TYW5: variants seen among roughly 807,000 people sequenced by gnomAD.
The protein encoded by TYW5 is tRNA-yW synthesizing protein 5, also known as tRNA wybutosine-synthesizing protein 5.
Under a neutral mutation model 44.4 loss-of-function variants are expected in TYW5, and 36 were observed. That is an observed-to-expected ratio of 0.81 (90% CI 0.62 to 1.07). The LOEUF (loss-of-function observed/expected upper bound fraction) is 1.07. TYW5 is among the 50% of genes least tolerant of loss of function. TYW5 has a pLI of 0.00. For synonymous variants in TYW5, 121 were observed against 128.1 expected (o/e 0.94, Z 0.37); for missense variants, 354 against 365.7 (o/e 0.97, Z 0.26).
chr2:199,950,010 C>T (rs1352827479), intron 1 of TYW5, among the ~76,000 whole-genome samples: 1 of 152,042 alleles, frequency 6.6e-6, no homozygotes, highest in Admixed American at 6.5e-5. Flanking sequence ...AAGAACCCGA[C>T]GTCTTTTATA....
rs924140051 is a variant in TYW5, at chr2:199,943,481, T to A, written c.303+284A>T. On this transcript the variant is annotated intron_variant, in intron 3 of 7. Coordinates refer to ENST00000354611, the MANE Select transcript of TYW5 (RefSeq NM_001039693.3). ...TCTATACATCAGGCACACTGCTAAG[T>A]ATTTTACTATTTTATTTAGTTAATC... The A allele has an allele frequency of 1.1e-5, 3 of 270,982 alleles. No homozygotes were observed. In the Admixed American group the frequency reaches 1.5e-4, roughly 14 times the overall value. The allele number at this position is 270,982 out of a possible 1,614,324, so 16.8% of individuals were successfully genotyped here. A position where few individuals can be genotyped will look rare whatever the true frequency, so the allele number is the denominator to read the frequency against.
At position 199,944,881 on chromosome 2, in the gene TYW5, C is replaced by CA. The variant is rs2077492169; in HGVS notation, c.234-1048dup. 4 of 152,242 alleles carry CA rather than the reference C, an allele frequency of 2.6e-5. No homozygotes were observed. The South Asian group carries it at 8.3e-4, about 32-fold the overall frequency. 9.4% of individuals were successfully genotyped at this position (152,242 alleles called of 1,614,324 possible). ...TTCCCAGAAATATACTGGGTAAACA[C>CA]AAACATGGTGTGAACCCATGAATTA... On this transcript the variant is annotated intron_variant, in intron 2 of 7. Coordinates refer to ENST00000354611, the MANE Select transcript of TYW5 (RefSeq NM_001039693.3).
rs1244304657 is a variant in TYW5, at chr2:199,930,489, G to A, written c.*2578C>T. 6.6e-6 allele frequency: 1 copy of A among 152,124 alleles called. No homozygotes were observed. Among genetic ancestry groups the A allele is most frequent in the Non-Finnish European group, 1.5e-5 (1 of 68,046 alleles). 9.4% of individuals were successfully genotyped at this position (152,124 alleles called of 1,614,324 possible). ...GTAACATTTAATTTTTCTATTTTTA[G>A]TAGAGACGGGGTTTTACCATGTTGG... On this transcript the variant is annotated 3_prime_UTR_variant, in exon 8 of 8. Coordinates refer to ENST00000354611, the MANE Select transcript of TYW5 (RefSeq NM_001039693.3).
intron 1 of TYW5, among the ~76,000 whole-genome samples, chr2:199,952,173 T>A (rs2077550806): frequency 6.6e-6 from 1 of 152,214 alleles, no homozygotes; most frequent in Admixed American, 6.5e-5. Context: ...TTATTTCCAA[T>A]AATTTGCAAG....
At chr2:199,953,579 A>C (rs1201111143) in intron 1 of TYW5, among the ~76,000 whole-genome samples, 1 of 152,180 alleles carries the variant, frequency 6.6e-6, no homozygotes, top group African/African-American at 2.4e-5. Context: ...CTAAATTTCC[A>C]TAGGAATAGG....
chr2:199,939,551 T>C (rs2077448656), intron 4 of TYW5, among the ~76,000 whole-genome samples: 1 of 152,212 alleles, frequency 6.6e-6, no homozygotes, highest in Non-Finnish European at 1.5e-5. Context: ...TCCACTCTAA[T>C]ATTCAGGAGT....
At chr2:199,940,056 T>A (rs770200700) in intron 4 of TYW5, 33 bp downstream of exon 4, 31 of 1,598,710 alleles carry the variant, frequency 1.9e-5, no homozygotes, top group Non-Finnish European at 2.7e-5. Context: ...CCATTTAGAT[T>A]TTAGGGAATT....
intron 3 of TYW5, 120 bp from the exon 4 acceptor site, chr2:199,940,253 T>C: frequency 1.2e-6 from 1 of 822,090 alleles, no homozygotes; most frequent in South Asian, 2.1e-5. Context: ...AAGAATTATG[T>C]ACTGAGAACT....
At position 199,933,238 on chromosome 2, in the gene TYW5, A is replaced by G. The variant is rs1574792098; in HGVS notation, c.777T>C (p.Asp259=). The change falls in exon 8 of 8, where the codon GAT becomes GAC. Residue 259 remains aspartate, a synonymous_variant. Transcript: ENST00000354611. ...FWKHLPSECY[D]KTDTYGNKDP... Reference sequence around the variant, plus strand: ...CTTTGTTTCCATAGGTATCTGTTTTATCATAGCATTCAGATGGAAGGTGCT... The same window carrying G: ...CTTTGTTTCCATAGGTATCTGTTTTGTCATAGCATTCAGATGGAAGGTGCT... The G allele has an allele frequency of 6.2e-7, 1 of 1,614,102 alleles. No individual in the cohort carries two copies.
intron 1 of TYW5, among the ~76,000 whole-genome samples, chr2:199,955,153 C>G (rs2077585617): frequency 6.6e-6 from 1 of 152,210 alleles, no homozygotes; most frequent in South Asian, 2.1e-4. Flanking sequence ...TCGCACTCAG[C>G]TCTCCGCCAT....
chr2:199,943,433 T>C (rs986264989), intron 3 of TYW5: 12 of 190,534 alleles, frequency 6.3e-5, no homozygotes, highest in African/African-American at 2.4e-4. Flanking sequence ...GTAACATTAA[T>C]AGCTAACATT....
chr2:199,936,514 T>A (rs750232973), intron 5 of TYW5, 22 bp from the exon 6 acceptor site: 1 of 1,580,816 alleles, frequency 6.3e-7, no homozygotes, highest in Non-Finnish European at 8.6e-7. Flanking sequence ...TAAAAGCTTA[T>A]GGGTAATCAT....
intron 2 of TYW5, chr2:199,944,108 A>T: frequency 3.7e-6 from 1 of 268,668 alleles, no homozygotes; most frequent in Non-Finnish European, 6.9e-6. Context: ...TTCTATTCCA[A>T]GTTATGACAG....
chr2:199,943,794 C>G lies in TYW5; in HGVS notation c.274G>C (p.Glu92Gln). ...GAAACAAAGAATTCTTTATGTTTCTCTTCAGCTGCCCTCTGGACCAACTGG... is the reference window on the plus strand; with the variant it reads ...GAAACAAAGAATTCTTTATGTTTCTGTTCAGCTGCCCTCTGGACCAACTGG... Reference protein sequence around the residue: ...FDQLVQRAAEEKHKEFFVSED... With the variant: ...FDQLVQRAAEQKHKEFFVSED... Residue 92 changes from glutamate to glutamine, a missense_variant, in exon 3 of 8, where the codon GAG becomes CAG. By Grantham distance (29) the Glu-to-Gln change is conservative. Coordinates refer to ENST00000354611, the MANE Select transcript of TYW5 (RefSeq NM_001039693.3). 6.2e-7 allele frequency: 1 copy of G among 1,610,632 alleles called. No homozygotes were observed. The highest frequency in any genetic ancestry group is 8.5e-7 in the Non-Finnish European group (1 of 1,179,270).
intron 1 of TYW5, 156 bp downstream of exon 1, chr2:199,955,237 C>G (rs1223071201): frequency 3.9e-6 from 3 of 766,298 alleles, no homozygotes; most frequent in Non-Finnish European, 6.1e-6. Flanking sequence ...CCCCCGTGCA[C>G]CTTTCCCTTG....
intron 1 of TYW5, among the ~76,000 whole-genome samples, chr2:199,954,796 T>C (rs1193708090): frequency 1.3e-5 from 2 of 152,360 alleles, no homozygotes; most frequent in East Asian, 3.9e-4. Context: ...GTATTTTTCC[T>C]ACCATAAACT....
At chr2:199,953,139 T>C (rs2077559714) in intron 1 of TYW5, among the ~76,000 whole-genome samples, 2 of 152,104 alleles carry the variant, frequency 1.3e-5, no homozygotes, top group South Asian at 2.1e-4. Flanking sequence ...CTGGCCAACA[T>C]GGCGAAACTC....
intron 3 of TYW5, among the ~76,000 whole-genome samples, chr2:199,941,474 A>T (rs2077464410): frequency 6.7e-6 from 1 of 150,168 alleles, no homozygotes. Flanking sequence ...TCTTTCACCC[A>T]ACACTGAGAA....
chr2:199,939,179 G>T, intron 4 of TYW5, 109 bp from the exon 5 acceptor site: 1 of 955,324 alleles, frequency 1.0e-6, no homozygotes, highest in Non-Finnish European at 1.5e-6. Flanking sequence ...ATGTGACCAT[G>T]TGCCAATACA....
Sources: allele counts gnomAD v4.1 joint callset (sites outside exome capture counted in the v4.1 genomes callset), GRCh38; gene constraint gnomAD v4.1.1; transcripts MANE v1.5; gene names NCBI Gene and HGNC (gene_info 2026-07-23, HGNC 2026-07-21).